The following VTCN1 variants were observed in gnomAD, a reference collection of about 807,000 sequenced individuals.
VTCN1 encodes the protein V-set domain containing T cell activation inhibitor 1, also known as V-set domain-containing T-cell activation inhibitor 1.
A neutral mutation model predicts 26.5 loss-of-function variants in VTCN1; 26 were observed. The observed-to-expected ratio is 0.98, with a 90% CI of 0.72 to 1.36. VTCN1 has a LOEUF of 1.36. VTCN1 is among the 40% of genes most tolerant of loss of function. The pLI, the probability that VTCN1 is intolerant of heterozygous loss-of-function variation, is 0.00. For missense variants in VTCN1, 298 were observed against 337.7 expected (o/e 0.88, Z 0.92); for synonymous variants, 116 against 130.7 (o/e 0.89, Z 0.77).
chr1:117,198,445 C>T (rs920370639), intron 1 of VTCN1, among the ~76,000 whole-genome samples: 8 of 152,152 alleles, frequency 5.3e-5, no homozygotes, highest in African/African-American at 1.4e-4. Context: ...TAGTCCTGGC[C>T]GGCCATTGTT....
chr1:117,159,898 A>G lies in VTCN1; in HGVS notation c.98-2977T>C, dbSNP rs997162330. Among the ~76,000 whole-genome samples, 1 of 152,192 alleles carries G rather than the reference A, an allele frequency of 6.6e-6. No individual in the cohort carries two copies. The highest frequency in any genetic ancestry group is 1.5e-5 in the Non-Finnish European group (1 of 68,036). ...AAGCCACCCTCTCCTCTACTGACAT[A>G]CCACCAGTAGAAATATTAATTATGT... On this transcript the variant is annotated intron_variant, in intron 2 of 5. Coordinates refer to ENST00000369458, the MANE Select transcript of VTCN1 (RefSeq NM_024626.4). The surrounding 1 kb of genome is among the most constrained non-coding windows in gnomAD (Gnocchi z 4.7).
In VTCN1 at chr1:117,145,876, C is replaced by T. The variant is rs1651480029; in HGVS notation, c.*46-651G>A. ...TTTAAACTCCTGGGCTCAAGCAGTC[C>T]TCCCATCTTGGCCTCTCAAAGTGCT... On this transcript the variant is annotated intron_variant, in intron 5 of 5. Coordinates refer to ENST00000369458, the MANE Select transcript of VTCN1 (RefSeq NM_024626.4). This position sits in a 1 kb window ranked among gnomAD's most constrained non-coding sequence, Gnocchi z 4.6. 6.6e-6 allele frequency among the ~76,000 whole-genome samples: 1 copy of T among 152,178 alleles called. No individual in the cohort carries two copies. The highest frequency in any genetic ancestry group is 2.4e-5 in the African/African-American group (1 of 41,446).
At chr1:117,152,450 C>G (rs965359222) in intron 4 of VTCN1, among the ~76,000 whole-genome samples, 4 of 152,292 alleles carry the variant, frequency 2.6e-5, no homozygotes, top group Middle Eastern at 3.4e-3. Flanking sequence ...TTTCTTGATA[C>G]TAGCTCAACC....
At chr1:117,202,361 G>T (rs1408859186) in intron 1 of VTCN1, among the ~76,000 whole-genome samples, 1 of 152,206 alleles carries the variant, frequency 6.6e-6, no homozygotes, top group Non-Finnish European at 1.5e-5. Context: ...GATGTCAGGA[G>T]TGAGGGGGAG....
chr1:117,175,063 C>T lies in VTCN1; in HGVS notation c.33-4892G>A, dbSNP rs1003275599. Among the ~76,000 whole-genome samples the T allele has an allele frequency of 2.6e-5, 4 of 152,084 alleles. No individual in the cohort carries two copies. The highest frequency in any genetic ancestry group is 1.3e-4 in the Admixed American group (2 of 15,284). Reference sequence around the variant, plus strand: ...CTCCATTCCTGAGGAGGGCCTGGTTCGATTCCCTCACATGCCTGCTTCAGC... The same window carrying T: ...CTCCATTCCTGAGGAGGGCCTGGTTTGATTCCCTCACATGCCTGCTTCAGC... On this transcript the variant is annotated intron_variant, in intron 1 of 5. Transcript: ENST00000369458. The surrounding 1 kb of genome is among the most constrained non-coding windows in gnomAD (Gnocchi z 4.2).
chr1:117,196,840 C>G (rs1436362316), intron 1 of VTCN1, among the ~76,000 whole-genome samples: 1 of 152,176 alleles, frequency 6.6e-6, no homozygotes, highest in Non-Finnish European at 1.5e-5. Flanking sequence ...GGCTCACAAA[C>G]TACCCCAGGC....
At position 117,147,633 on chromosome 1, in the gene VTCN1, C is replaced by A; in HGVS notation, c.*25G>T. On this transcript the variant is annotated 3_prime_UTR_variant, in exon 5 of 6. Coordinates refer to ENST00000369458, the MANE Select transcript of VTCN1 (RefSeq NM_024626.4). This position sits in a 1 kb window ranked among gnomAD's most constrained non-coding sequence, Gnocchi z 4.6. ...CTCACCTGTTGTAACAATGACTTTG[C>A]ATGCTTTTTTGTGGCCGAGGCACAT... 2 of 1,609,718 alleles carry A rather than the reference C, an allele frequency of 1.2e-6. No homozygotes were observed. Among genetic ancestry groups the A allele is most frequent in the Non-Finnish European group, 1.7e-6 (2 of 1,178,750 alleles).
chr1:117,193,230 T>G (rs1402558082), intron 1 of VTCN1, among the ~76,000 whole-genome samples: 2 of 152,144 alleles, frequency 1.3e-5, no homozygotes, highest in Non-Finnish European at 2.9e-5. Flanking sequence ...TCCCCACAGA[T>G]ACTTAGGGAT....
intron 1 of VTCN1, among the ~76,000 whole-genome samples, chr1:117,194,323 T>A (rs1335505268): frequency 1.3e-5 from 2 of 152,170 alleles, no homozygotes. Flanking sequence ...CAGTGAGATA[T>A]CACCTCACAC....
chr1:117,145,967 A>G lies in VTCN1; in HGVS notation c.*46-742T>C, dbSNP rs975218661. Among the ~76,000 whole-genome samples the G allele has an allele frequency of 9.9e-5, 15 of 152,172 alleles. No individual in the cohort carries two copies. Among genetic ancestry groups the G allele is most frequent in the Non-Finnish European group, 2.9e-5 (2 of 68,034 alleles). ...TTACTTTAAAAAATCTACTTGATTT[A>G]TGGTTATTCCTCTATGGTGCCAGGG... On this transcript the variant is annotated intron_variant, in intron 5 of 5. Transcript: ENST00000369458. The surrounding 1 kb of genome is among the most constrained non-coding windows in gnomAD (Gnocchi z 4.6).
chr1:117,173,806 C>T (rs1215638828), intron 1 of VTCN1, among the ~76,000 whole-genome samples: 1 of 152,226 alleles, frequency 6.6e-6, no homozygotes, highest in Admixed American at 6.5e-5. Flanking sequence ...GAACAGATAC[C>T]TGGGCCCTTG....
At chr1:117,162,410 A>G (rs1412397763) in intron 2 of VTCN1, among the ~76,000 whole-genome samples, 2 of 152,188 alleles carry the variant, frequency 1.3e-5, no homozygotes, top group African/African-American at 4.8e-5. Flanking sequence ...CTGGCCTCCT[A>G]TGACTCTCCA....
chr1:117,205,111 G>A (rs947626733), intron 1 of VTCN1, among the ~76,000 whole-genome samples: 3 of 139,322 alleles, frequency 2.2e-5, no homozygotes, highest in Admixed American at 1.5e-4. Context: ...GTATGTATAT[G>A]TATATGTATA....
intron 1 of VTCN1, among the ~76,000 whole-genome samples, chr1:117,178,401 C>T (rs1282786389): frequency 6.6e-6 from 1 of 151,098 alleles, no homozygotes; most frequent in Admixed American, 6.6e-5. Context: ...GGATTACAGG[C>T]ATGTGCCACC....
chr1:117,205,534 G>A (rs1649015506), intron 1 of VTCN1, among the ~76,000 whole-genome samples: 1 of 152,126 alleles, frequency 6.6e-6, no homozygotes, highest in East Asian at 1.9e-4. Context: ...GCTGCCTGAA[G>A]CAACACAGAC....
At position 117,175,495 on chromosome 1, in the gene VTCN1, A is replaced by T. The variant is rs547058565; in HGVS notation, c.33-5324T>A. ...CGTGTGCAGATGTTCATTCAAAAAA[A>T]TTCTTTTTCATAAAATAAAAATAGA... On this transcript the variant is annotated intron_variant, in intron 1 of 5. Coordinates refer to ENST00000369458, the MANE Select transcript of VTCN1 (RefSeq NM_024626.4). The surrounding 1 kb of genome is among the most constrained non-coding windows in gnomAD (Gnocchi z 4.2). Among the ~76,000 whole-genome samples, 1 of 152,332 alleles carries T rather than the reference A, an allele frequency of 6.6e-6. No homozygotes were observed. Among genetic ancestry groups the T allele is most frequent in the South Asian group, 2.1e-4 (1 of 4,820 alleles).
At position 117,161,404 on chromosome 1, in the gene VTCN1, TCACCAAAGGAAAAATTAGTA is replaced by T. The variant is rs1170401128; in HGVS notation, c.98-4503_98-4484del. On this transcript the variant is annotated intron_variant, in intron 2 of 5. Coordinates refer to ENST00000369458, the MANE Select transcript of VTCN1 (RefSeq NM_024626.4). The surrounding 1 kb of genome is among the most constrained non-coding windows in gnomAD (Gnocchi z 4.3). The stretch of plus-strand genomic sequence containing the variant: ...CCCTCCCATGAAATCCTCTTTTAAT[TCACCAAAGGAAAAATTAGTA>T]GATTCTCTCTTTACTTTCCTGTAAC... Among the ~76,000 whole-genome samples the T allele has an allele frequency of 1.3e-5, 2 of 152,196 alleles. No homozygotes were observed. The highest frequency in any genetic ancestry group is 1.3e-4 in the Admixed American group (2 of 15,280).
At chr1:117,182,876 A>C (rs1333744049) in intron 1 of VTCN1, among the ~76,000 whole-genome samples, 1 of 151,638 alleles carries the variant, frequency 6.6e-6, no homozygotes, top group African/African-American at 2.4e-5. Context: ...TCCTGTACCT[A>C]CCCCACCTTT....
intron 4 of VTCN1, among the ~76,000 whole-genome samples, chr1:117,151,208 T>G (rs905480841): frequency 2.6e-4 from 39 of 151,884 alleles, no homozygotes; most frequent in Non-Finnish European, 5.0e-4. Flanking sequence ...TTCTTTTTTT[T>G]TTTTTTTGGA....
Sources: gnomAD v4.1 joint callset for allele counts (sites outside exome capture counted in the v4.1 genomes callset) on GRCh38, gnomAD v4.1.1 for gene constraint, Gnocchi (gnomAD v3.1) non-coding constraint, MANE v1.5 for transcripts, NCBI Gene and HGNC (gene_info 2026-07-23, HGNC 2026-07-21) for gene names.